Variants in SEL1L observed in about 807,000 individuals in gnomAD.
SEL1L encodes the protein protein sel-1 homolog 1.
Under a neutral mutation model 109.8 loss-of-function variants are expected in SEL1L, and 52 were observed. The ratio of observed to expected loss-of-function variants is 0.47; its 90% CI spans 0.38 to 0.60. The LOEUF (loss-of-function observed/expected upper bound fraction) is 0.60, where lower values mean the gene tolerates loss of function less well. Among genes scored for constraint, SEL1L ranks in the 20% least tolerant of loss-of-function variants. SEL1L has a pLI of 0.00. For synonymous variants in SEL1L, 373 were observed against 339.6 expected, an observed-to-expected ratio of 1.10 and a Z score of -1.08; for missense variants, 749 against 962.2, an observed-to-expected ratio of 0.78 and a Z score of 2.93.
At position 81,533,755 on chromosome 14, in the gene SEL1L, G is replaced by A. The variant is rs1373249441; in HGVS notation, c.-11C>T. 6.2e-7 allele frequency: 1 copy of A among 1,612,504 alleles called. No individual in the cohort carries two copies. Among genetic ancestry groups the A allele is most frequent in the South Asian group, 1.1e-5 (1 of 90,882 alleles). ...TATCCGGACCCGCATCCTCCTCTCGGGGCCGGTGCCAACCCCTAGAGCTGT... is the reference window on the plus strand; with the variant it reads ...TATCCGGACCCGCATCCTCCTCTCGAGGCCGGTGCCAACCCCTAGAGCTGT... On this transcript the variant is annotated 5_prime_UTR_variant, in exon 1 of 21. Coordinates refer to ENST00000336735, the MANE Select transcript of SEL1L (RefSeq NM_005065.6).
chr14:81,518,297 T>TAA (rs1178393055), intron 3 of SEL1L, among the ~76,000 whole-genome samples: 1 of 142,094 alleles, frequency 7.0e-6, no homozygotes, highest in African/African-American at 2.6e-5. Context: ...TGCAGCTGAT[T>TAA]AAAAAAAAAA....
intron 11 of SEL1L, 102 bp from the exon 12 acceptor site, chr14:81,492,650 T>A: frequency 1.3e-6 from 1 of 766,582 alleles, no homozygotes. Context: ...AATCTTGTTA[T>A]ATTACAGTGC....
intron 3 of SEL1L, among the ~76,000 whole-genome samples, chr14:81,525,910 T>C (rs1316389090): frequency 6.6e-6 from 1 of 152,210 alleles, no homozygotes; most frequent in African/African-American, 2.4e-5. Context: ...TGAGAGAATA[T>C]TCTCCATGAT....
intron 5 of SEL1L, 52 bp from the exon 6 acceptor site, chr14:81,502,935 T>C (rs140819089): frequency 2.7e-6 from 4 of 1,466,722 alleles, no homozygotes; most frequent in South Asian, 1.3e-5. Context: ...GAAACTGCCA[T>C]TAAGTTTTTT....
chr14:81,523,605 G>A (rs1453936655), intron 3 of SEL1L, among the ~76,000 whole-genome samples: 1 of 152,134 alleles, frequency 6.6e-6, no homozygotes, highest in Non-Finnish European at 1.5e-5. Context: ...GGGGTTGTGG[G>A]AACCCTGATT....
chr14:81,473,131 T>C lies in SEL1L; in HGVS notation c.*3841A>G, dbSNP rs1014012130. 1.2e-4 allele frequency: 19 copies of C among 152,356 alleles called. No homozygotes were observed. The highest frequency in any genetic ancestry group is 4.3e-4 in the African/African-American group (18 of 41,474). 9.4% of individuals were successfully genotyped at this position (152,356 alleles called of 1,614,324 possible). On this transcript the variant is annotated 3_prime_UTR_variant, in exon 21 of 21. Transcript: ENST00000336735. The stretch of plus-strand genomic sequence containing the variant: ...GCTTAAGGTCTTTTAAAACTTCCTC[T>C]TCTACATATTTATAGTGGTTACATC...
chr14:81,495,979 A>G (rs933128642), intron 10 of SEL1L, among the ~76,000 whole-genome samples: 25 of 152,200 alleles, frequency 1.6e-4, no homozygotes, highest in African/African-American at 6.0e-4. Flanking sequence ...ACAAAAACAC[A>G]AAGTATCCTG....
rs375431231 is a variant in SEL1L at position 81,526,776 on chromosome 14, T to C, written c.297A>G (p.Pro99=). ...TTGGCTCTTCATAGTCCTTGTTTTC[T>C]GGATTTGGAGACTCTAGAAAGCTGA... ...EDISFLESPN[P]ENKDYEEPKK... is the part of the protein sequence containing the mutation. The change falls in exon 3 of 21, where the codon CCA becomes CCG. Residue 99 remains proline, a synonymous_variant. Coordinates refer to ENST00000336735, the MANE Select transcript of SEL1L (RefSeq NM_005065.6). The C allele has an allele frequency of 1.1e-5, 18 of 1,609,302 alleles. No homozygotes were observed. Among genetic ancestry groups the C allele is most frequent in the Non-Finnish European group, 1.4e-5 (16 of 1,178,810 alleles).
intron 6 of SEL1L, among the ~76,000 whole-genome samples, chr14:81,499,878 TA>T (rs1367473743): frequency 6.6e-6 from 1 of 150,378 alleles, no homozygotes; most frequent in East Asian, 1.9e-4. Flanking sequence ...AGCATTATTT[TA>T]AAAAAAATTT....
chr14:81,502,360 T>TTTTTTAAAAAGTATTTTAAATG (rs1231682059), intron 6 of SEL1L, among the ~76,000 whole-genome samples: 4 of 152,186 alleles, frequency 2.6e-5, no homozygotes, highest in African/African-American at 9.7e-5. Context: ...AATAAAATAC[T>TTTTTTAAAAAGTATTTTAAATG]TTTTTAAAAA....
chr14:81,489,457 T>C (rs1883460490), intron 13 of SEL1L, 143 bp from the exon 14 acceptor site: 1 of 680,758 alleles, frequency 1.5e-6, no homozygotes, highest in Admixed American at 2.9e-5. Flanking sequence ...AACTTTCTTC[T>C]TCTCATCAGA....
At chr14:81,496,524 A>T (rs1457953545) in intron 10 of SEL1L, among the ~76,000 whole-genome samples, 1 of 152,158 alleles carries the variant, frequency 6.6e-6, no homozygotes. Flanking sequence ...GGGATCACTT[A>T]GACCAGGAGT....
intron 14 of SEL1L, among the ~76,000 whole-genome samples, chr14:81,488,512 G>A (rs556641214): frequency 5.6e-4 from 85 of 152,178 alleles, no homozygotes; most frequent in African/African-American, 2.0e-3. Flanking sequence ...CTTAAACCTA[G>A]CTCTTAGTTT....
At chr14:81,495,658 A>G (rs1170925104) in intron 10 of SEL1L, among the ~76,000 whole-genome samples, 1 of 152,054 alleles carries the variant, frequency 6.6e-6, no homozygotes, top group Non-Finnish European at 1.5e-5. Context: ...AAAACGGGCT[A>G]GGCACGATGG....
intron 3 of SEL1L, among the ~76,000 whole-genome samples, chr14:81,514,974 C>A (rs1362676735): frequency 6.6e-6 from 1 of 152,190 alleles, no homozygotes; most frequent in Non-Finnish European, 1.5e-5. Flanking sequence ...TCCAAGCTTT[C>A]TTTTCATTGA....
chr14:81,495,843 G>C (rs1883725611), intron 10 of SEL1L, among the ~76,000 whole-genome samples: 1 of 152,120 alleles, frequency 6.6e-6, no homozygotes, highest in South Asian at 2.1e-4. Context: ...AGGTGAGGCA[G>C]GAGAATTGCT....
intron 20 of SEL1L, among the ~76,000 whole-genome samples, chr14:81,479,011 C>T (rs907488718): frequency 1.3e-5 from 2 of 152,112 alleles, no homozygotes; most frequent in Non-Finnish European, 2.9e-5. Flanking sequence ...GTACTGGAAA[C>T]AAAATATAAA....
chr14:81,475,914 C>A lies in SEL1L; in HGVS notation c.*1058G>T, dbSNP rs1410042180. ...GCTTTCATCAACCACTGAGTTTAAT[C>A]CATCTTTGATTCTCTGAGTTTTAGT... On this transcript the variant is annotated 3_prime_UTR_variant, in exon 21 of 21. Transcript: ENST00000336735. 6.6e-6 allele frequency: 1 copy of A among 152,146 alleles called. No individual in the cohort carries two copies. The highest frequency in any genetic ancestry group is 2.1e-4 in the South Asian group (1 of 4,826). The allele number at this position is 152,146 out of a possible 1,614,324, so 9.4% of individuals were successfully genotyped here.
intron 3 of SEL1L, among the ~76,000 whole-genome samples, chr14:81,510,512 CTCTA>C (rs1363866771): frequency 0.05 from 5,287 of 106,388 alleles, 92 homozygotes; most frequent in Non-Finnish European, 0.07. Context: ...CTCTCTCTCT[CTCTA>C]TATATATATA....
Sources: allele counts gnomAD v4.1 joint callset (sites outside exome capture counted in the v4.1 genomes callset), GRCh38; gene constraint gnomAD v4.1.1; transcripts MANE v1.5; gene names NCBI Gene and HGNC (gene_info 2026-07-23, HGNC 2026-07-21).